NR4A3: variants seen among roughly 807,000 people sequenced by gnomAD.
The protein encoded by NR4A3 is nuclear receptor subfamily 4 group A member 3.
Under a neutral mutation model 55.6 loss-of-function variants are expected in NR4A3, and 13 were observed. The ratio of observed to expected loss-of-function variants is 0.23; its 90% CI spans 0.15 to 0.37. The LOEUF is 0.37. NR4A3 is among the 10% of genes least tolerant of loss of function. The pLI, the probability that NR4A3 is intolerant of heterozygous loss-of-function variation, is 1.00. For synonymous variants in NR4A3, 342 were observed against 357.9 expected (o/e 0.96, Z 0.50); for missense variants, 646 against 822.8 (o/e 0.79, Z 2.63).
At chr9:99,837,464 T>C (rs1237286242) in intron 5 of NR4A3, among the ~76,000 whole-genome samples, 1 of 152,172 alleles carries the variant, frequency 6.6e-6, no homozygotes, top group Non-Finnish European at 1.5e-5. Context: ...CATCACTCAA[T>C]AGGTTTCTAT....
rs887781396 is a variant in NR4A3, at chr9:99,833,933, G to C, written c.1254+479G>C. The C allele has an allele frequency of 2.5e-6, 3 of 1,184,244 alleles. No homozygotes were observed. The African/African-American group carries it at 4.7e-5, about 19-fold the overall frequency. The allele number at this position is 1,184,244 out of a possible 1,614,324, so 73.4% of individuals were successfully genotyped here. A position where few individuals can be genotyped will look rare whatever the true frequency, so the allele number is the denominator to read the frequency against. On this transcript the variant is annotated intron_variant, in intron 5 of 7. Transcript: ENST00000395097. ...TGGTGGAGAGAAGCGAGCTCTGGCT[G>C]TGACATCAGTTGTCAGGAGAACTGG...
chr9:99,835,460 A>G (rs1052915646), intron 5 of NR4A3, among the ~76,000 whole-genome samples: 2 of 152,146 alleles, frequency 1.3e-5, no homozygotes, highest in Admixed American at 1.3e-4. Flanking sequence ...GGGTGCTAGA[A>G]AAGTATTCAG....
At chr9:99,831,381 T>TA (rs2118531663) in intron 3 of NR4A3, among the ~76,000 whole-genome samples, 1 of 152,350 alleles carries the variant, frequency 6.6e-6, no homozygotes, top group South Asian at 2.1e-4. Flanking sequence ...TTTTGCATTT[T>TA]AAACTAAAAT....
chr9:99,847,707 A>G, intron 7 of NR4A3, 92 bp downstream of exon 7: 3 of 1,232,958 alleles, frequency 2.4e-6, no homozygotes, highest in Admixed American at 2.4e-5. Flanking sequence ...ACACCAGAAA[A>G]GTGGGAAAAT....
chr9:99,852,781 A>G (rs1587886141), intron 7 of NR4A3, among the ~76,000 whole-genome samples: 2 of 152,270 alleles, frequency 1.3e-5, no homozygotes, highest in Admixed American at 1.3e-4. Context: ...GAACCATGGC[A>G]GAAAGTAGTG....
At chr9:99,860,287 A>G (rs942322443) in intron 7 of NR4A3, among the ~76,000 whole-genome samples, 5 of 151,362 alleles carry the variant, frequency 3.3e-5, no homozygotes, top group Non-Finnish European at 5.9e-5. Flanking sequence ...TCCCTTCCAT[A>G]TACCATTATT....
chr9:99,846,366 A>G (rs1462048089), intron 6 of NR4A3, among the ~76,000 whole-genome samples: 2 of 152,154 alleles, frequency 1.3e-5, no homozygotes, highest in African/African-American at 4.8e-5. Context: ...AGCAATTAGA[A>G]TTTTTGTTTT....
At chr9:99,833,572 C>T (rs375082728) in intron 5 of NR4A3, 118 bp downstream of exon 5, 19 of 1,608,296 alleles carry the variant, frequency 1.2e-5, no homozygotes, top group Non-Finnish European at 1.5e-5. Context: ...AGTTTTCATA[C>T]TTTTTCTATA....
chr9:99,827,061 G>A (rs1827309288), intron 2 of NR4A3, among the ~76,000 whole-genome samples: 1 of 152,110 alleles, frequency 6.6e-6, no homozygotes, highest in African/African-American at 2.4e-5. Context: ...TAAGCACCCT[G>A]GATACCAGCC....
rs750007889 is a variant in NR4A3 at position 99,828,624 on chromosome 9, G to A, written c.582G>A (p.Lys194=). The A allele has an allele frequency of 4.7e-6, 7 of 1,483,228 alleles. No homozygotes were observed. In the East Asian group the frequency reaches 1.7e-4, roughly 37 times the overall value. 91.9% of individuals were successfully genotyped at this position (1,483,228 alleles called of 1,614,324 possible). A position where few individuals can be genotyped will look rare whatever the true frequency, so the allele number is the denominator to read the frequency against. The change falls in exon 3 of 8, where the codon AAG becomes AAA. Residue 194 remains lysine (K), a synonymous_variant. Coordinates refer to ENST00000395097, the MANE Select transcript of NR4A3 (RefSeq NM_006981.4). This position sits in a 1 kb window ranked among gnomAD's most constrained non-coding sequence, Gnocchi z 7.7. The part of the protein sequence containing the change: ...AGARFPLFHF[K]PSPPHPPAPS... The stretch of plus-strand genomic sequence containing the variant: ...CGCGCTTCCCGCTCTTCCACTTCAA[G>A]CCCTCGCCGCCGCATCCCCCCGCGC...
chr9:99,832,130 A>G (rs1200596077), intron 3 of NR4A3, among the ~76,000 whole-genome samples: 1 of 152,208 alleles, frequency 6.6e-6, no homozygotes, highest in African/African-American at 2.4e-5. Context: ...TAAAGATAAA[A>G]TAAGCTATAC....
chr9:99,843,467 T>TTA (rs1391325592), intron 5 of NR4A3, among the ~76,000 whole-genome samples: 4 of 152,142 alleles, frequency 2.6e-5, no homozygotes, highest in African/African-American at 9.7e-5. Flanking sequence ...CTCTTGTTGA[T>TTA]TATTTCTGCG....
rs747040559 is a variant in NR4A3, at chr9:99,844,772, G to A, written c.1378G>A (p.Asp460Asn). 8 of 1,614,040 alleles carry A rather than the reference G, an allele frequency of 5.0e-6. No individual in the cohort carries two copies. The African/African-American group carries it at 9.3e-5, about 19-fold the overall frequency. Residue 460 changes from aspartate (D) to asparagine (N), a missense_variant, in exon 6 of 8, where the codon GAT becomes AAT. Around this residue, in one of 5 missense-constraint regions of NR4A3, gnomAD observed 163 missense variants for 233.0 expected, o/e 0.70. Transcript: ENST00000395097. ...GGCAGAAAAGATTCCGGGATTTACT[G>A]ATCTCCCCAAAGAAGATCAGACATT... is the stretch of plus-strand genomic sequence containing the variant. ...SWAEKIPGFT[D>N]LPKEDQTLLI...
At chr9:99,836,011 A>G (rs1391598816) in intron 5 of NR4A3, among the ~76,000 whole-genome samples, 1 of 152,204 alleles carries the variant, frequency 6.6e-6, no homozygotes, top group Non-Finnish European at 1.5e-5. Context: ...CTGCTTTTAG[A>G]TGGCATTACA....
chr9:99,827,020 T>C (rs1346461815), intron 2 of NR4A3, among the ~76,000 whole-genome samples: 2 of 152,178 alleles, frequency 1.3e-5, no homozygotes, highest in African/African-American at 4.8e-5. Context: ...CTCAGCGCCT[T>C]CTCACTCAGT....
At position 99,841,242 on chromosome 9, in the gene NR4A3, A is replaced by G. The variant is rs565301110; in HGVS notation, c.1255-3407A>G. Among the ~76,000 whole-genome samples the G allele has an allele frequency of 8.6e-4, 131 of 151,786 alleles. No individual in the cohort carries two copies. The East Asian group carries it at 0.013, about 15-fold the overall frequency. On this transcript the variant is annotated intron_variant, in intron 5 of 7. Coordinates refer to ENST00000395097, the MANE Select transcript of NR4A3 (RefSeq NM_006981.4). ...AAGACTCTGTCTCCGAAAAAAAAAA[A>G]AAAAAGGAGGAGGTAGTGGCAAGTG... is the stretch of plus-strand genomic sequence containing the variant.
chr9:99,827,950 C>A, intron 2 of NR4A3, 91 bp from the exon 3 acceptor site: 1 of 1,445,150 alleles, frequency 6.9e-7, no homozygotes, highest in Non-Finnish European at 9.4e-7. Context: ...CTCTGTTTCC[C>A]AGATTAGAGA....
chr9:99,842,176 A>G (rs1158464683), intron 5 of NR4A3, among the ~76,000 whole-genome samples: 1 of 151,080 alleles, frequency 6.6e-6, no homozygotes, highest in Non-Finnish European at 1.5e-5. Context: ...AAAAGACCCA[A>G]TTAAATAAGC....
At position 99,828,485 on chromosome 9, in the gene NR4A3, T is replaced by TC; in HGVS notation, c.449dup (p.Gln151AlafsTer89). ...CCGTCCACCCCCACCACGCCGGCCTTCCCCCCGCAGGCGGGGGCGTTATGG... is the reference window on the plus strand; with the variant it reads ...CCGTCCACCCCCACCACGCCGGCCTTCCCCCCCGCAGGCGGGGGCGTTATGG... On this transcript the variant is annotated frameshift_variant, in exon 3 of 8. Transcript: ENST00000395097. LOFTEE classifies it high-confidence loss of function. This position sits in a 1 kb window ranked among gnomAD's most constrained non-coding sequence, Gnocchi z 7.7. 6.4e-6 allele frequency: 10 copies of TC among 1,564,616 alleles called. No homozygotes were observed. Among genetic ancestry groups the TC allele is most frequent in the South Asian group, 4.8e-5 (4 of 84,006 alleles).
Sources: gnomAD v4.1 joint callset for allele counts (sites outside exome capture counted in the v4.1 genomes callset) on GRCh38, gnomAD v4.1.1 for gene constraint, gnomAD v4.1.1 regional missense constraint, Gnocchi (gnomAD v3.1) non-coding constraint, MANE v1.5 for transcripts, NCBI Gene and HGNC (gene_info 2026-07-23, HGNC 2026-07-21) for gene names.